The following HHAT variants were observed in gnomAD, a reference collection of about 807,000 sequenced individuals.
HHAT encodes protein-cysteine N-palmitoyltransferase HHAT.
HHAT carries 47 observed loss-of-function variants against 70.8 expected under a neutral mutation model. The observed-to-expected ratio is 0.66, with a 90% CI of 0.53 to 0.85. HHAT has a LOEUF of 0.85. HHAT is among the 40% of genes least tolerant of loss of function. HHAT has a pLI of 0.00. For missense variants in HHAT, 609 were observed against 604.8 expected, an observed-to-expected ratio of 1.01 and a Z score of -0.07; for synonymous variants, 228 against 247.6, an observed-to-expected ratio of 0.92 and a Z score of 0.74.
intron 8 of HHAT, among the ~76,000 whole-genome samples, chr1:210,493,007 C>T (rs537467685): frequency 3.9e-5 from 6 of 152,120 alleles, no homozygotes; most frequent in South Asian, 4.2e-4. Flanking sequence ...CCTCATTTTT[C>T]TACTAATGCC....
chr1:210,381,609 C>T (rs999331558), intron 3 of HHAT, among the ~76,000 whole-genome samples: 5 of 152,086 alleles, frequency 3.3e-5, no homozygotes, highest in African/African-American at 1.2e-4. Flanking sequence ...TTACCCATGG[C>T]CTTTCTTAGA....
At chr1:210,369,696 A>C (rs1016772848) in intron 3 of HHAT, 1 of 152,278 alleles carries the variant, frequency 6.6e-6, no homozygotes, top group African/African-American at 2.4e-5. Flanking sequence ...CTGGTGGTGC[A>C]ACAGCCACTG....
chr1:210,655,247 CAG>C (rs1676129600), intron 11 of HHAT, among the ~76,000 whole-genome samples: 1 of 152,146 alleles, frequency 6.6e-6, no homozygotes, highest in Non-Finnish European at 1.5e-5. Flanking sequence ...GCTGCCTGAA[CAG>C]AAAGCATGGA....
chr1:210,610,070 G>A (rs1666277000), intron 10 of HHAT, among the ~76,000 whole-genome samples: 1 of 152,088 alleles, frequency 6.6e-6, no homozygotes, highest in African/African-American at 2.4e-5. Flanking sequence ...CTGCTTCTAG[G>A]TCTTTGAGGA....
At chr1:210,410,303 G>A (rs1021719835) in intron 6 of HHAT, among the ~76,000 whole-genome samples, 2 of 151,676 alleles carry the variant, frequency 1.3e-5, no homozygotes, top group East Asian at 1.9e-4. Flanking sequence ...TGATCCACCC[G>A]CCTTGGCCTC....
intron 4 of HHAT, 44 bp from the exon 5 acceptor site, chr1:210,400,424 C>G: frequency 2.6e-6 from 4 of 1,533,486 alleles, no homozygotes; most frequent in Non-Finnish European, 3.5e-6. Context: ...CCTCCCTCCC[C>G]TCTTCCTCCC....
intron 10 of HHAT, among the ~76,000 whole-genome samples, chr1:210,606,547 C>G (rs1665485749): frequency 1.3e-5 from 2 of 152,310 alleles, no homozygotes; most frequent in East Asian, 3.9e-4. Context: ...CTTCCATCCT[C>G]TTTTCCTACC....
At chr1:210,502,230 A>G (rs1022002209) in intron 8 of HHAT, among the ~76,000 whole-genome samples, 3 of 151,674 alleles carry the variant, frequency 2.0e-5, no homozygotes, top group Non-Finnish European at 2.9e-5. Flanking sequence ...TAAAAATACA[A>G]AAAATTAGCC....
chr1:210,491,449 A>G (rs12034655), intron 8 of HHAT, among the ~76,000 whole-genome samples: 11,702 of 152,154 alleles, frequency 0.077, 1,222 homozygotes, highest in East Asian at 0.35. Flanking sequence ...GAGCCGTGAA[A>G]CTGTGCTTCC....
chr1:210,622,018 A>C (rs1668942475), intron 10 of HHAT, among the ~76,000 whole-genome samples: 1 of 152,202 alleles, frequency 6.6e-6, no homozygotes. Flanking sequence ...GAACAGGAGG[A>C]GTCAGAAATT....
chr1:210,337,929 T>G (rs1017666118), intron 1 of HHAT, among the ~76,000 whole-genome samples: 2 of 152,214 alleles, frequency 1.3e-5, no homozygotes, highest in African/African-American at 4.8e-5. Flanking sequence ...AAGACATGGG[T>G]CTAAGATATT....
intron 9 of HHAT, among the ~76,000 whole-genome samples, chr1:210,572,949 A>G (rs1558188853): frequency 1.3e-5 from 2 of 152,156 alleles, no homozygotes; most frequent in Non-Finnish European, 2.9e-5. Context: ...TTTTGGTTAA[A>G]AGACCAGAGT....
intron 11 of HHAT, among the ~76,000 whole-genome samples, chr1:210,663,111 C>A (rs1256721147): frequency 6.6e-6 from 1 of 152,124 alleles, no homozygotes; most frequent in Non-Finnish European, 1.5e-5. Flanking sequence ...TGGGAACATG[C>A]TCTTCAATGC....
At chr1:210,457,379 A>G (rs2093891704) in intron 7 of HHAT, among the ~76,000 whole-genome samples, 1 of 152,204 alleles carries the variant, frequency 6.6e-6, no homozygotes, top group Admixed American at 6.5e-5. Flanking sequence ...AGCTTTAATC[A>G]CAAAAAAAAG....
At position 210,490,314 on chromosome 1, in the gene HHAT, T is replaced by C. The variant is rs928757602; in HGVS notation, c.1008-22839T>C. Among the ~76,000 whole-genome samples the C allele has an allele frequency of 3.9e-5, 6 of 152,316 alleles. No individual in the cohort carries two copies. In the East Asian group the frequency reaches 7.7e-4, roughly 20 times the overall value. On this transcript the variant is annotated intron_variant, in intron 8 of 11. Coordinates refer to ENST00000261458, the MANE Select transcript of HHAT (RefSeq NM_018194.6). ...ACACATTCTAAAGAGAGGAAAGATA[T>C]CTCTGAGCATCTCATACATTTCTGC... is the stretch of plus-strand genomic sequence containing the variant.
chr1:210,410,910 A>G (rs1265853899), intron 6 of HHAT, among the ~76,000 whole-genome samples: 1 of 152,226 alleles, frequency 6.6e-6, no homozygotes, highest in Non-Finnish European at 1.5e-5. Context: ...AGAAAAGTCT[A>G]GTCCTTTTGG....
chr1:210,377,392 T>C (rs921312234), intron 3 of HHAT, among the ~76,000 whole-genome samples: 2 of 152,184 alleles, frequency 1.3e-5, no homozygotes, highest in Admixed American at 6.5e-5. Flanking sequence ...AATAATACAG[T>C]TTTGTGCCTT....
At chr1:210,455,212 C>A (rs1430429132) in intron 7 of HHAT, among the ~76,000 whole-genome samples, 1 of 152,220 alleles carries the variant, frequency 6.6e-6, no homozygotes, top group African/African-American at 2.4e-5. Context: ...CCCTGTCTTT[C>A]ACGTTACCTG....
intron 1 of HHAT, among the ~76,000 whole-genome samples, chr1:210,335,587 T>C (rs961849622): frequency 3.9e-5 from 6 of 152,164 alleles, no homozygotes; most frequent in Non-Finnish European, 8.8e-5. Flanking sequence ...ACACAGATTA[T>C]GGAACTGAGT....
Sources: gnomAD v4.1 joint callset for allele counts (sites outside exome capture counted in the v4.1 genomes callset) on GRCh38, gnomAD v4.1.1 for gene constraint, MANE v1.5 for transcripts, NCBI Gene and HGNC (gene_info 2026-07-23, HGNC 2026-07-21) for gene names.